GRIK3: variants seen among roughly 807,000 people sequenced by gnomAD.
GRIK3 encodes the protein glutamate receptor ionotropic, kainate 3.
In GRIK3, 29 loss-of-function variants were observed where a neutral mutation model predicts 102.5. The observed-to-expected ratio is 0.28, with a 90% CI of 0.21 to 0.39. The LOEUF is 0.39. Among genes scored for constraint, GRIK3 ranks in the 10% least tolerant of loss-of-function variants. The pLI is 1.00. For missense variants in GRIK3, 908 were observed against 1,252.4 expected (o/e 0.73, Z 4.15); for synonymous variants, 511 against 504.9 (o/e 1.01, Z -0.16).
At chr1:36,844,805 C>T (rs1045075432) in intron 9 of GRIK3, among the ~76,000 whole-genome samples, 1 of 152,108 alleles carries the variant, frequency 6.6e-6, no homozygotes, top group African/African-American at 2.4e-5. Context: ...TGGCGGGTTA[C>T]TGCAGTGACC....
At chr1:36,916,210 G>A (rs1354957996) in intron 1 of GRIK3, among the ~76,000 whole-genome samples, 3 of 152,210 alleles carry the variant, frequency 2.0e-5, no homozygotes, top group African/African-American at 7.2e-5. Flanking sequence ...GAGCTTGAGA[G>A]AGATGATTTA....
intron 1 of GRIK3, among the ~76,000 whole-genome samples, chr1:36,961,881 C>T (rs530044974): frequency 6.6e-6 from 1 of 152,290 alleles, no homozygotes; most frequent in Non-Finnish European, 1.5e-5. Flanking sequence ...GGACAACCAA[C>T]CACCCTTGCT....
In GRIK3 at chr1:36,883,578, T is replaced by C. The variant is rs1464640787; in HGVS notation, c.293-2687A>G. Among the ~76,000 whole-genome samples, 4 of 152,246 alleles carry C rather than the reference T, an allele frequency of 2.6e-5. No homozygotes were observed. In the South Asian group the frequency reaches 6.2e-4, roughly 24 times the overall value. On this transcript the variant is annotated intron_variant, in intron 2 of 15. Coordinates refer to ENST00000373091, the MANE Select transcript of GRIK3 (RefSeq NM_000831.4). The stretch of plus-strand genomic sequence containing the variant: ...TCCTAGAAGTGGGCTCAGGGGCAAG[T>C]GGGCAGGAAATTCAGGGTTCTAGAT...
At chr1:37,012,921 C>T (rs767282084) in intron 1 of GRIK3, among the ~76,000 whole-genome samples, 18 of 152,214 alleles carry the variant, frequency 1.2e-4, no homozygotes, top group Non-Finnish European at 1.3e-4. Context: ...CTACTGCAGA[C>T]GGTGGTTTCT....
rs145291240 is a variant in GRIK3 at position 36,862,185 on chromosome 1, A to C, written c.787-2168T>G. Among the ~76,000 whole-genome samples, 31 of 152,216 alleles carry C rather than the reference A, an allele frequency of 2.0e-4. No individual in the cohort carries two copies. The East Asian group carries it at 5.6e-3, about 28-fold the overall frequency. The stretch of plus-strand genomic sequence containing the variant: ...TGGCCAGTGGGAGCTGAATGTTAGC[A>C]TTTCTTCCCAACTCTGCCTTCAGTG... On this transcript the variant is annotated intron_variant, in intron 5 of 15. Transcript: ENST00000373091.
intron 1 of GRIK3, among the ~76,000 whole-genome samples, chr1:36,976,610 A>T (rs1301548703): frequency 6.6e-6 from 1 of 152,220 alleles, no homozygotes; most frequent in Admixed American, 6.5e-5. Flanking sequence ...ATTGGGACCC[A>T]GGAGGTATGA....
chr1:36,933,961 G>T (rs762048963), intron 1 of GRIK3, among the ~76,000 whole-genome samples: 3 of 152,206 alleles, frequency 2.0e-5, no homozygotes, highest in Non-Finnish European at 4.4e-5. Context: ...ATAAGGAATT[G>T]TGAATTTGCA....
Position 36,850,926 on chromosome 1 carries a change from G to A in GRIK3, c.1213-502C>T, listed in dbSNP as rs1028947245. Among the ~76,000 whole-genome samples, 13 of 152,226 alleles carry A rather than the reference G, an allele frequency of 8.5e-5. No individual in the cohort carries two copies. The highest frequency in any genetic ancestry group is 1.9e-4 in the Non-Finnish European group (13 of 68,040). On this transcript the variant is annotated intron_variant, in intron 8 of 15. Transcript: ENST00000373091. This position sits in a 1 kb window ranked among gnomAD's most constrained non-coding sequence, Gnocchi z 4.0. ...CTTTGTGGTTTTACATTTAAAACTG[G>A]CAGACACACAGACTAAGGTAGAATA...
intron 1 of GRIK3, among the ~76,000 whole-genome samples, chr1:37,015,119 T>G (rs1642640558): frequency 6.6e-6 from 1 of 152,192 alleles, no homozygotes; most frequent in Non-Finnish European, 1.5e-5. Context: ...AGGAAACTTC[T>G]GCCCAGATTC....
At position 36,872,468 on chromosome 1, in the gene GRIK3, C is replaced by T. The variant is rs1640853645; in HGVS notation, c.551-99G>A. 3.0e-5 allele frequency: 28 copies of T among 937,858 alleles called. No homozygotes were observed. The highest frequency in any genetic ancestry group is 7.1e-5 in the South Asian group (4 of 56,580). 58.1% of individuals were successfully genotyped at this position (937,858 alleles called of 1,614,324 possible). The stretch of plus-strand genomic sequence containing the variant: ...GTGTGCACACACATGCCCATGGCCA[C>T]AGGTCTGCAGACATACACGGGCAGA... On this transcript the variant is annotated intron_variant, in intron 3 of 15. Transcript: ENST00000373091. This position sits in a 1 kb window ranked among gnomAD's most constrained non-coding sequence, Gnocchi z 5.9.
chr1:36,931,522 C>A (rs1162112367), intron 1 of GRIK3, among the ~76,000 whole-genome samples: 3 of 152,206 alleles, frequency 2.0e-5, no homozygotes, highest in Non-Finnish European at 4.4e-5. Context: ...TCTATATCCC[C>A]TAAAAGACTG....
intron 1 of GRIK3, among the ~76,000 whole-genome samples, chr1:36,911,917 G>A (rs1227668032): frequency 3.3e-5 from 5 of 152,142 alleles, no homozygotes; most frequent in South Asian, 2.1e-4. Flanking sequence ...TCCCACCTCC[G>A]CGGTCAGTCA....
At position 36,848,692 on chromosome 1, in the gene GRIK3, A is replaced by T. The variant is rs545109983; in HGVS notation, c.1326+1619T>A. On this transcript the variant is annotated intron_variant, in intron 9 of 15. Transcript: ENST00000373091. ...CTTTATCTTTTCTATTTTTATCCACATCAATATCCCTTTAATTGCCCATTA... is the reference window on the plus strand; with the variant it reads ...CTTTATCTTTTCTATTTTTATCCACTTCAATATCCCTTTAATTGCCCATTA... Among the ~76,000 whole-genome samples the T allele has an allele frequency of 2.7e-5, 4 of 149,298 alleles. No homozygotes were observed. The South Asian group carries it at 8.4e-4, about 32-fold the overall frequency.
In GRIK3 at chr1:36,819,912, C is replaced by G; in HGVS notation, c.1755-58G>C. ...GAAGCAAGGGGCATCCACGCCCCAG[C>G]AGGCAGTGGTTTAGCAAACACAGCT... On this transcript the variant is annotated intron_variant, in intron 11 of 15. Coordinates refer to ENST00000373091, the MANE Select transcript of GRIK3 (RefSeq NM_000831.4). The surrounding 1 kb of genome is among the most constrained non-coding windows in gnomAD (Gnocchi z 4.1). 1 of 867,786 alleles carries G rather than the reference C, an allele frequency of 1.2e-6. No homozygotes were observed. The highest frequency in any genetic ancestry group is 1.9e-6 in the Non-Finnish European group (1 of 520,828). The allele number at this position is 867,786 out of a possible 1,614,324, so 53.8% of individuals were successfully genotyped here.
rs1479792865 is a variant in GRIK3 at position 36,828,050 on chromosome 1, C to T, written c.1531-2224G>A. On this transcript the variant is annotated intron_variant, in intron 10 of 15. Coordinates refer to ENST00000373091, the MANE Select transcript of GRIK3 (RefSeq NM_000831.4). ...CCCAGCTCCTGGAGTCCTTTCAGTTCAGGGTATATACAAAAGAAAGCAGAA... is the reference window on the plus strand; with the variant it reads ...CCCAGCTCCTGGAGTCCTTTCAGTTTAGGGTATATACAAAAGAAAGCAGAA... Among the ~76,000 whole-genome samples, 5 of 147,632 alleles carry T rather than the reference C, an allele frequency of 3.4e-5. 1 individual carries two copies. Among genetic ancestry groups the T allele is most frequent in the African/African-American group, 1.3e-4 (5 of 39,460 alleles).
intron 10 of GRIK3, 83 bp from the exon 11 acceptor site, chr1:36,825,909 G>A (rs2124198175): frequency 1.0e-6 from 1 of 993,776 alleles, no homozygotes; most frequent in African/African-American, 1.6e-5. Context: ...CTGGAGGAGA[G>A]ATGAGGGTGA....
At chr1:36,879,290 T>G (rs1640940600) in intron 3 of GRIK3, among the ~76,000 whole-genome samples, 2 of 151,896 alleles carry the variant, frequency 1.3e-5, no homozygotes, top group Admixed American at 6.6e-5. Context: ...ATCCAGGAGT[T>G]GGAGACCAGC....
At chr1:36,957,249 C>T (rs537052457) in intron 1 of GRIK3, among the ~76,000 whole-genome samples, 1 of 152,214 alleles carries the variant, frequency 6.6e-6, no homozygotes, top group Non-Finnish European at 1.5e-5. Flanking sequence ...CTTCCATGAG[C>T]CTCTGTGCTC....
intron 1 of GRIK3, among the ~76,000 whole-genome samples, chr1:36,904,866 A>G (rs1449310761): frequency 3.3e-5 from 5 of 152,242 alleles, no homozygotes; most frequent in Non-Finnish European, 7.3e-5. Context: ...TATGGCAGAC[A>G]TTCTCCATAA....
Sources: gnomAD v4.1 joint callset for allele counts (sites outside exome capture counted in the v4.1 genomes callset) on GRCh38, gnomAD v4.1.1 for gene constraint, Gnocchi (gnomAD v3.1) non-coding constraint, MANE v1.5 for transcripts, NCBI Gene and HGNC (gene_info 2026-07-23, HGNC 2026-07-21) for gene names.